TP53RK: variants seen among roughly 807,000 people sequenced by gnomAD.
TP53RK encodes the protein TP53 regulating kinase.
In TP53RK, 17 loss-of-function variants were observed where a neutral mutation model predicts 14.9. The observed-to-expected ratio is 1.14, with a 90% CI of 0.78 to 1.71. The LOEUF (loss-of-function observed/expected upper bound fraction) is 1.71. Ranked by LOEUF, TP53RK falls within the 40% of genes most tolerant of loss-of-function variation. TP53RK has a pLI of 0.00. For missense variants in TP53RK, 343 were observed against 332.0 expected, an observed-to-expected ratio of 1.03 and a Z score of -0.26; for synonymous variants, 131 against 138.0, an observed-to-expected ratio of 0.95 and a Z score of 0.36.
rs2063182249 is a variant in TP53RK at position 46,686,761 on chromosome 20, C to T, written c.754G>A (p.Val252Ile). The change falls in exon 2 of 2, where the codon GTT becomes ATT. Residue 252 changes from valine (V) to isoleucine (I), a missense_variant. Physicochemically the swap from Val to Ile is conservative, Grantham distance 29 (BLOSUM62 3). Coordinates refer to ENST00000372114, the MANE Select transcript of TP53RK (RefSeq NM_033550.4). ...VRLRGRKRSM[V>I]G Reference sequence around the variant, plus strand: ...TTGTCATACACATTCTTCTACCCAACCATGGACCTCTTTCTTCCTCTCAGG... The same window carrying T: ...TTGTCATACACATTCTTCTACCCAATCATGGACCTCTTTCTTCCTCTCAGG... 1 of 1,613,330 alleles carries T rather than the reference C, an allele frequency of 6.2e-7. No individual in the cohort carries two copies. Among genetic ancestry groups the T allele is most frequent in the African/African-American group, 1.3e-5 (1 of 74,866 alleles).
chr20:46,688,090 G>C (rs1244433247), intron 1 of TP53RK, among the ~76,000 whole-genome samples: 1 of 152,192 alleles, frequency 6.6e-6, no homozygotes, highest in African/African-American at 2.4e-5. Flanking sequence ...TAGAAACTGA[G>C]AGATGTTATC....
rs772408926 is a variant in TP53RK at position 46,686,994 on chromosome 20, A to AG, written c.520dup (p.Leu174ProfsTer23). ...TATGAGCACAATGTTCAGCTGTTCC[A>AG]GGGGGGGTTTCAGGAGCATGTTGGA... is the stretch of plus-strand genomic sequence containing the variant. On this transcript the variant is annotated frameshift_variant, in exon 2 of 2. Coordinates refer to ENST00000372114, the MANE Select transcript of TP53RK (RefSeq NM_033550.4). LOFTEE classifies it high-confidence loss of function. The AG allele has an allele frequency of 4.5e-5, 73 of 1,613,928 alleles. No individual in the cohort carries two copies. Among genetic ancestry groups the AG allele is most frequent in the Non-Finnish European group, 5.3e-5 (63 of 1,179,998 alleles).
rs992166093 is a variant in TP53RK, at chr20:46,689,193, C to G, written c.222G>C (p.Ala74=). The G allele has an allele frequency of 1.3e-6, 2 of 1,521,428 alleles. No individual in the cohort carries two copies. Among genetic ancestry groups the G allele is most frequent in the Non-Finnish European group, 1.8e-6 (2 of 1,141,338 alleles). 94.2% of individuals were successfully genotyped at this position (1,521,428 alleles called of 1,614,324 possible). A position where few individuals can be genotyped will look rare whatever the true frequency, so the allele number is the denominator to read the frequency against. Residue 74 remains alanine (A), a synonymous_variant, in exon 1 of 2, where the codon GCG becomes GCC. Coordinates refer to ENST00000372114, the MANE Select transcript of TP53RK (RefSeq NM_033550.4). The part of the protein sequence containing the change: ...PKGYRHPALE[A]RLGRRRTVQE... The stretch of plus-strand genomic sequence containing the variant: ...GCACCGTCCGCCGTCTGCCAAGCCG[C>G]GCCTCCAGCGCCGGGTGCCGGTAGC...
chr20:46,689,427 C>A lies in TP53RK; in HGVS notation c.-13G>T, dbSNP rs768903902. ...TGGCCGCCGCCATGACTGCTCGGCGCAACAGCTCCAACCGATCAGCTGTCT... is the reference window on the plus strand; with the variant it reads ...TGGCCGCCGCCATGACTGCTCGGCGAAACAGCTCCAACCGATCAGCTGTCT... On this transcript the variant is annotated 5_prime_UTR_variant, in exon 1 of 2. Transcript: ENST00000372114. 1.0e-5 allele frequency: 16 copies of A among 1,529,960 alleles called. No individual in the cohort carries two copies. Among genetic ancestry groups the A allele is most frequent in the African/African-American group, 2.8e-5 (2 of 70,860 alleles). 94.8% of individuals were successfully genotyped at this position (1,529,960 alleles called of 1,614,324 possible).
At chr20:46,689,065 G>C in intron 1 of TP53RK, 67 bp downstream of exon 1, 1 of 1,324,724 alleles carries the variant, frequency 7.5e-7, no homozygotes, top group Non-Finnish European at 9.6e-7. Context: ...GAGCGCAGGG[G>C]AGTCCCTCAC....
chr20:46,685,791 T>C lies in TP53RK; in HGVS notation c.*962A>G, dbSNP rs1230962087. ...GAGTTTACAAGGAAGAAAGGTATTT[T>C]CTTATCCCTCTCTTCCCTTCCCACC... On this transcript the variant is annotated 3_prime_UTR_variant, in exon 2 of 2. Coordinates refer to ENST00000372114, the MANE Select transcript of TP53RK (RefSeq NM_033550.4). The C allele has an allele frequency of 2.0e-5, 3 of 152,192 alleles. No individual in the cohort carries two copies. Among genetic ancestry groups the C allele is most frequent in the Non-Finnish European group, 4.4e-5 (3 of 68,038 alleles). 9.4% of individuals were successfully genotyped at this position (152,192 alleles called of 1,614,324 possible).
chr20:46,689,398 G>T lies in TP53RK; in HGVS notation c.17C>A (p.Ala6Asp), dbSNP rs540226060. The T allele has an allele frequency of 1.3e-6, 2 of 1,560,110 alleles. No individual in the cohort carries two copies. Among genetic ancestry groups the T allele is most frequent in the Admixed American group, 3.7e-5 (2 of 54,144 alleles). MAAAR[A>D]TTPADGEEPA... ...CTCCTCGCCATCGGCCGGCGTAGTA[G>T]CTCTGGCCGCCGCCATGACTGCTCG... is the stretch of plus-strand genomic sequence containing the variant. The change falls in exon 1 of 2, where the codon GCT becomes GAT. Residue 6 changes from alanine (A) to aspartate (D), a missense_variant. Coordinates refer to ENST00000372114, the MANE Select transcript of TP53RK (RefSeq NM_033550.4).
At position 46,685,610 on chromosome 20, in the gene TP53RK, T is replaced by C. The variant is rs995942000; in HGVS notation, c.*1143A>G. 1 of 152,232 alleles carries C rather than the reference T, an allele frequency of 6.6e-6. No individual in the cohort carries two copies. The highest frequency in any genetic ancestry group is 2.4e-5 in the African/African-American group (1 of 41,452). The allele number at this position is 152,232 out of a possible 1,614,324, so 9.4% of individuals were successfully genotyped here. A position where few individuals can be genotyped will look rare whatever the true frequency, so the allele number is the denominator to read the frequency against. On this transcript the variant is annotated 3_prime_UTR_variant, in exon 2 of 2. Coordinates refer to ENST00000372114, the MANE Select transcript of TP53RK (RefSeq NM_033550.4). ...TATCAAAACATCCCACTGTATACTTTATACTTTTTTATAAAAATAAATATT... is the reference window on the plus strand; with the variant it reads ...TATCAAAACATCCCACTGTATACTTCATACTTTTTTATAAAAATAAATATT...
At position 46,684,400 on chromosome 20, in the gene TP53RK, C is replaced by G. The variant is rs2063170069; in HGVS notation, c.*2353G>C. The G allele has an allele frequency of 6.6e-6, 1 of 152,216 alleles. No individual in the cohort carries two copies. Among genetic ancestry groups the G allele is most frequent in the South Asian group, 2.1e-4 (1 of 4,820 alleles). 9.4% of individuals were successfully genotyped at this position (152,216 alleles called of 1,614,324 possible). A position where few individuals can be genotyped will look rare whatever the true frequency, so the allele number is the denominator to read the frequency against. ...AGGAAAAGTTTAATAACTCACAGTT[C>G]AGCATGGCTGGGGATGCCTCAGAAA... On this transcript the variant is annotated 3_prime_UTR_variant, in exon 2 of 2. Coordinates refer to ENST00000372114, the MANE Select transcript of TP53RK (RefSeq NM_033550.4).
Sources: allele counts gnomAD v4.1 joint callset (sites outside exome capture counted in the v4.1 genomes callset), GRCh38; gene constraint gnomAD v4.1.1; transcripts MANE v1.5; gene names NCBI Gene and HGNC (gene_info 2026-07-23, HGNC 2026-07-21).